Variants in PMEPA1 observed in about 807,000 individuals in gnomAD.
PMEPA1 encodes prostate transmembrane protein, androgen induced 1.
In PMEPA1, 11 loss-of-function variants were observed where a neutral mutation model predicts 23.0. That is an observed-to-expected ratio of 0.48 (90% CI 0.30 to 0.79). PMEPA1 has a LOEUF of 0.79. PMEPA1 is among the 30% of genes least tolerant of loss of function. The pLI, the probability that PMEPA1 is intolerant of heterozygous loss-of-function variation, is 0.06. For missense variants in PMEPA1, 377 were observed against 390.9 expected (o/e 0.96, Z 0.30); for synonymous variants, 204 against 166.4 (o/e 1.23, Z -1.74).
rs754920567 is a variant in PMEPA1 at position 57,656,687 on chromosome 20, C to G, written c.264+2856G>C. On this transcript the variant is annotated intron_variant, in intron 2 of 3. Coordinates refer to ENST00000341744, the MANE Select transcript of PMEPA1 (RefSeq NM_020182.5). The surrounding 1 kb of genome is among the most constrained non-coding windows in gnomAD (Gnocchi z 4.7). The stretch of plus-strand genomic sequence containing the variant: ...TCACACAACAAGGAGGTGACAAGGC[C>G]GAGAAAAGACCTCAGAGCTCAGGGT... Among the ~76,000 whole-genome samples, 18 of 152,088 alleles carry G rather than the reference C, an allele frequency of 1.2e-4. No homozygotes were observed. The highest frequency in any genetic ancestry group is 2.2e-4 in the Non-Finnish European group (15 of 68,016).
intron 1 of PMEPA1, among the ~76,000 whole-genome samples, chr20:57,679,746 T>C (rs1441228086): frequency 1.3e-5 from 2 of 152,212 alleles, no homozygotes; most frequent in African/African-American, 4.8e-5. Flanking sequence ...TGTGAGTGGC[T>C]CAGAGATCCC....
At chr20:57,684,013 G>C (rs568997367) in intron 1 of PMEPA1, among the ~76,000 whole-genome samples, 1 of 152,102 alleles carries the variant, frequency 6.6e-6, no homozygotes, top group South Asian at 2.1e-4. Flanking sequence ...GTCCCACCAC[G>C]CCCCACCCCC....
At position 57,651,548 on chromosome 20, in the gene PMEPA1, C is replaced by T. The variant is rs1178562238; in HGVS notation, c.*505G>A. The T allele has an allele frequency of 2.6e-5, 4 of 152,304 alleles. No homozygotes were observed. The highest frequency in any genetic ancestry group is 9.6e-5 in the African/African-American group (4 of 41,462). 9.4% of individuals were successfully genotyped at this position (152,304 alleles called of 1,614,324 possible). A position where few individuals can be genotyped will look rare whatever the true frequency, so the allele number is the denominator to read the frequency against. On this transcript the variant is annotated 3_prime_UTR_variant, in exon 4 of 4. Coordinates refer to ENST00000341744, the MANE Select transcript of PMEPA1 (RefSeq NM_020182.5). Reference sequence around the variant, plus strand: ...GGCACTCAAAAATTGCCATTTTTTTCCTCTTCTAGTTCAGAAAACAACTTT... The same window carrying T: ...GGCACTCAAAAATTGCCATTTTTTTTCTCTTCTAGTTCAGAAAACAACTTT...
At chr20:57,657,207 AGG>A (rs1006674500) in intron 2 of PMEPA1, among the ~76,000 whole-genome samples, 1 of 152,144 alleles carries the variant, frequency 6.6e-6, no homozygotes, top group African/African-American at 2.4e-5. Flanking sequence ...CGGGCCGCAC[AGG>A]CCTAGCTTCA....
chr20:57,696,505 C>G (rs1401616023), intron 1 of PMEPA1, among the ~76,000 whole-genome samples: 1 of 152,154 alleles, frequency 6.6e-6, no homozygotes, highest in Non-Finnish European at 1.5e-5. Context: ...CTCCTCCATG[C>G]GATGGGGTTG....
Position 57,693,058 on chromosome 20 carries a change from T to A in PMEPA1, c.109+16416A>T, listed in dbSNP as rs138557742. Among the ~76,000 whole-genome samples, 350 of 152,332 alleles carry A rather than the reference T, an allele frequency of 2.3e-3. 1 individual carries two copies. The highest frequency in any genetic ancestry group is 7.8e-3 in the African/African-American group (323 of 41,574). ...GTCCCGAAGTGGCAAAACCACGATGTTCACGCTTATGTTGTGAGCAGGCCG... is the reference window on the plus strand; with the variant it reads ...GTCCCGAAGTGGCAAAACCACGATGATCACGCTTATGTTGTGAGCAGGCCG... On this transcript the variant is annotated intron_variant, in intron 1 of 3. Coordinates refer to ENST00000341744, the MANE Select transcript of PMEPA1 (RefSeq NM_020182.5).
Position 57,690,749 on chromosome 20 carries a change from G to A in PMEPA1, c.109+18725C>T, listed in dbSNP as rs191075090. On this transcript the variant is annotated intron_variant, in intron 1 of 3. Transcript: ENST00000341744. ...CACGCCCAGCCGACCCCCACCTGCCGGAAGTCTGGGGTGGAGCCTGGCCGT... is the reference window on the plus strand; with the variant it reads ...CACGCCCAGCCGACCCCCACCTGCCAGAAGTCTGGGGTGGAGCCTGGCCGT... 2.4e-3 allele frequency: 814 copies of A among 342,168 alleles called. 4 individuals carry two copies. The highest frequency in any genetic ancestry group is 0.013 in the African/African-American group (608 of 46,794). The allele number at this position is 342,168 out of a possible 1,614,324, so 21.2% of individuals were successfully genotyped here.
chr20:57,691,379 G>C (rs2071879965), intron 1 of PMEPA1, among the ~76,000 whole-genome samples: 1 of 152,186 alleles, frequency 6.6e-6, no homozygotes, highest in African/African-American at 2.4e-5. Flanking sequence ...AGGGGTTCTT[G>C]TGCAGGCTCT....
intron 1 of PMEPA1, among the ~76,000 whole-genome samples, chr20:57,681,061 A>G (rs557710116): frequency 7.2e-5 from 11 of 152,180 alleles, no homozygotes; most frequent in Non-Finnish European, 1.5e-4. Context: ...CACCTTTTGC[A>G]TGAGGGATTT....
At position 57,653,020 on chromosome 20, in the gene PMEPA1, AG is replaced by A; in HGVS notation, c.318+12del. The A allele has an allele frequency of 6.3e-7, 1 of 1,590,606 alleles. No individual in the cohort carries two copies. The highest frequency in any genetic ancestry group is 8.6e-7 in the Non-Finnish European group (1 of 1,167,716). On this transcript the variant is annotated intron_variant, in intron 3 of 3. Transcript: ENST00000341744. ...GATGGGGGTGTTGGAGGGGAGGCCGAGGGAGGTCTCACCTCTGGGATTCCGT... is the reference window on the plus strand; with the variant it reads ...GATGGGGGTGTTGGAGGGGAGGCCGAGGAGGTCTCACCTCTGGGATTCCGT...
chr20:57,668,745 T>C (rs888614650), intron 1 of PMEPA1, among the ~76,000 whole-genome samples: 1 of 152,272 alleles, frequency 6.6e-6, no homozygotes, highest in Non-Finnish European at 1.5e-5. Flanking sequence ...CCATGTGCTC[T>C]GTTCCAGCCA....
Position 57,664,627 on chromosome 20 carries a change from C to T in PMEPA1, c.110-4930G>A, listed in dbSNP as rs927978129. On this transcript the variant is annotated intron_variant, in intron 1 of 3. Transcript: ENST00000341744. ...CCATTCCCAGTCGCAGCTTGAGAGCCGGACTCTCAGGATCAGATGCCTCGC... is the reference window on the plus strand; with the variant it reads ...CCATTCCCAGTCGCAGCTTGAGAGCTGGACTCTCAGGATCAGATGCCTCGC... Among the ~76,000 whole-genome samples, 6 of 152,010 alleles carry T rather than the reference C, an allele frequency of 3.9e-5. No individual in the cohort carries two copies. In the South Asian group the frequency reaches 6.2e-4, roughly 16 times the overall value.
At chr20:57,690,735 G>T (rs975404536) in intron 1 of PMEPA1, 1 of 375,704 alleles carries the variant, frequency 2.7e-6, no homozygotes, top group Non-Finnish European at 4.5e-6. Context: ...ACGCCCAGCC[G>T]ACCCCCACCT....
intron 1 of PMEPA1, among the ~76,000 whole-genome samples, chr20:57,696,933 G>A (rs2071949389): frequency 6.6e-6 from 1 of 152,246 alleles, no homozygotes; most frequent in African/African-American, 2.4e-5. Context: ...GAACCAAGGA[G>A]TAATGCTTAC....
upstream of PMEPA1, chr20:57,710,311 G>T (rs1600683274): frequency 1.2e-6 from 1 of 809,718 alleles, no homozygotes; most frequent in Non-Finnish European, 1.8e-6. Flanking sequence ...ACCCGGGCGG[G>T]TTGCTGGTGC....
chr20:57,667,329 C>T (rs1004936108), intron 1 of PMEPA1, among the ~76,000 whole-genome samples: 7 of 152,172 alleles, frequency 4.6e-5, no homozygotes, highest in Admixed American at 2.6e-4. Flanking sequence ...TGGCTGTAAA[C>T]GGGGAGAGGG....
At chr20:57,673,459 C>T (rs1270028587) in intron 1 of PMEPA1, among the ~76,000 whole-genome samples, 2 of 152,200 alleles carry the variant, frequency 1.3e-5, no homozygotes, top group African/African-American at 4.8e-5. Context: ...GGTGTGGCCA[C>T]TCTGTCAGAT....
chr20:57,659,748 G>C, intron 1 of PMEPA1, 51 bp from the exon 2 acceptor site: 2 of 1,528,110 alleles, frequency 1.3e-6, no homozygotes, highest in Non-Finnish European at 1.8e-6. Flanking sequence ...GCAGGTCGCT[G>C]TGCTCAGGGC....
chr20:57,709,576 G>T lies in PMEPA1; in HGVS notation c.7C>A (p.Arg3Ser), dbSNP rs111569629. 1,986 of 1,044,230 alleles carry T rather than the reference G, an allele frequency of 1.9e-3. 13 individuals carry two copies. The highest frequency in any genetic ancestry group is 3.2e-3 in the Middle Eastern group (12 of 3,742). The allele number at this position is 1,044,230 out of a possible 1,614,324, so 64.7% of individuals were successfully genotyped here. MH[R>S]LMGVNSTAAA... ...GCGGTGCTGTTGACCCCCATCAAGC[G>T]GTGCATGGACGGCGCGGCGGCGCGG... Residue 3 changes from arginine to serine, a missense_variant, in exon 1 of 4, where the codon CGC becomes AGC. By Grantham distance (110) the Arg-to-Ser change is moderately radical. Around this residue, in one of 3 missense-constraint regions of PMEPA1, gnomAD observed 198 missense variants for 196.3 expected, o/e 1.01. Coordinates refer to ENST00000341744, the MANE Select transcript of PMEPA1 (RefSeq NM_020182.5).
Sources: gnomAD v4.1 joint callset for allele counts (sites outside exome capture counted in the v4.1 genomes callset) on GRCh38, gnomAD v4.1.1 for gene constraint, gnomAD v4.1.1 regional missense constraint, Gnocchi (gnomAD v3.1) non-coding constraint, MANE v1.5 for transcripts, NCBI Gene and HGNC (gene_info 2026-07-23, HGNC 2026-07-21) for gene names.